MAP1B: variants seen among roughly 807,000 people sequenced by gnomAD.
MAP1B encodes the protein microtubule associated protein 1B, also known as microtubule-associated protein 1B.
MAP1B carries 12 observed loss-of-function variants against 176.1 expected under a neutral mutation model. The observed-to-expected ratio is 0.07, with a 90% confidence interval of 0.04 to 0.11. The LOEUF (loss-of-function observed/expected upper bound fraction) is 0.11. MAP1B is among the 10% of genes least tolerant of loss of function. MAP1B has a pLI of 1.00. For missense variants in MAP1B, 2,523 were observed against 2,990.5 expected, an observed-to-expected ratio of 0.84 and a Z score of 3.65; for synonymous variants, 1,044 against 1,135.0, an observed-to-expected ratio of 0.92 and a Z score of 1.61.
At chr5:72,146,945 A>G (rs1265019464) in intron 2 of MAP1B, among the ~76,000 whole-genome samples, 1 of 148,744 alleles carries the variant, frequency 6.7e-6, no homozygotes, top group East Asian at 2.0e-4. Context: ...GGAAAAATAC[A>G]TTTTATCCAA....
intron 4 of MAP1B, among the ~76,000 whole-genome samples, chr5:72,187,695 T>C (rs1580014470): frequency 1.3e-5 from 2 of 152,278 alleles, no homozygotes; most frequent in East Asian, 3.9e-4. Context: ...GCACTTAATT[T>C]TCCTTGGCCC....
At chr5:72,165,742 T>C (rs1746415187) in intron 2 of MAP1B, among the ~76,000 whole-genome samples, 1 of 152,202 alleles carries the variant, frequency 6.6e-6, no homozygotes, top group South Asian at 2.1e-4. Context: ...ATTCATTACA[T>C]ATAAAATATG....
chr5:72,165,151 T>C (rs16876030), intron 2 of MAP1B, among the ~76,000 whole-genome samples: 2,218 of 152,340 alleles, frequency 0.015, 40 homozygotes, highest in East Asian at 0.043. Context: ...CCTTAATCTT[T>C]CTTGGTCCCC....
chr5:72,155,223 GCTCCCCC>G (rs1746207480), intron 2 of MAP1B, among the ~76,000 whole-genome samples: 3 of 152,142 alleles, frequency 2.0e-5, no homozygotes, highest in Admixed American at 6.6e-5. Flanking sequence ...GGTACATTTT[GCTCCCCC>G]CAGAGTACTG....
chr5:72,119,657 A>C (rs907692964), intron 2 of MAP1B, among the ~76,000 whole-genome samples: 4 of 152,106 alleles, frequency 2.6e-5, no homozygotes, highest in African/African-American at 9.7e-5. Context: ...ATAGGTGTGC[A>C]CCATCACACC....
intron 2 of MAP1B, among the ~76,000 whole-genome samples, chr5:72,130,108 AT>A (rs1745701955): frequency 6.6e-6 from 1 of 151,762 alleles, no homozygotes; most frequent in Non-Finnish European, 1.5e-5. Flanking sequence ...CTAGTTACAA[AT>A]AAAATAAAAT....
intron 2 of MAP1B, among the ~76,000 whole-genome samples, chr5:72,158,266 C>T (rs375515301): frequency 3.9e-5 from 6 of 151,932 alleles, no homozygotes; most frequent in Admixed American, 2.6e-4. Flanking sequence ...CCTCAGCCTC[C>T]CAAAGTGCTG....
intron 2 of MAP1B, among the ~76,000 whole-genome samples, chr5:72,127,689 A>G (rs558712407): frequency 6.6e-6 from 1 of 152,244 alleles, no homozygotes. Flanking sequence ...TAACAGAAAG[A>G]AATAATTTAT....
intron 2 of MAP1B, among the ~76,000 whole-genome samples, chr5:72,126,658 T>G (rs753493436): frequency 6.6e-6 from 1 of 152,222 alleles, no homozygotes; most frequent in Non-Finnish European, 1.5e-5. Flanking sequence ...CGTATGTAGA[T>G]GGGAGCTTGT....
At chr5:72,116,707 A>C (rs547526245) in intron 2 of MAP1B, among the ~76,000 whole-genome samples, 1 of 152,246 alleles carries the variant, frequency 6.6e-6, no homozygotes, top group South Asian at 2.1e-4. Flanking sequence ...CATCAGAAAC[A>C]CTGTATTACA....
rs1203867632 is a variant in MAP1B, at chr5:72,186,887, G to A, written c.510+133G>A. On this transcript the variant is annotated intron_variant, in intron 4 of 6. Transcript: ENST00000296755. The surrounding 1 kb of genome is among the most constrained non-coding windows in gnomAD (Gnocchi z 4.3). ...TCTCCTGAAATAAGCAAAACTGCAT[G>A]ATCCAAAATACTTTATTTCTATGGC... 12 of 974,592 alleles carry A rather than the reference G, an allele frequency of 1.2e-5. No individual in the cohort carries two copies. In the Admixed American group the frequency reaches 2.8e-4, roughly 22 times the overall value. The allele number at this position is 974,592 out of a possible 1,614,324, so 60.4% of individuals were successfully genotyped here.
rs1465362871 is a variant in MAP1B at position 72,183,787 on chromosome 5, G to C, written c.331G>C (p.Val111Leu). 6.2e-7 allele frequency: 1 copy of C among 1,614,030 alleles called. No individual in the cohort carries two copies. Among genetic ancestry groups the C allele is most frequent in the African/African-American group, 1.3e-5 (1 of 74,938 alleles). The change falls in exon 3 of 7, where the codon GTC becomes CTC. Residue 111 changes from valine (V) to leucine (L), a missense_variant. Val to Leu is a conservative substitution (Grantham distance 32, BLOSUM62 1). This residue lies in a region of MAP1B where 307 missense variants were observed against 438.4 expected (regional missense o/e 0.70). Transcript: ENST00000296755. ...HHRSDVLETV[V>L]LINPSDEAVS... is the part of the protein sequence containing the mutation. ...CCGAAGTGACGTTTTAGAAACAGTG[G>C]TCCTGATCAACCCTTCTGATGAAGC...
rs775473724 is a variant in MAP1B at position 72,198,408 on chromosome 5, A to G, written c.5053A>G (p.Thr1685Ala). Residue 1685 changes from threonine to alanine, a missense_variant, in exon 5 of 7, where the codon ACT becomes GCT. Coordinates refer to ENST00000296755, the MANE Select transcript of MAP1B (RefSeq NM_005909.5). Reference protein sequence around the residue: ...GVLHITENGPTEVDYSPSDMQ... With the variant: ...GVLHITENGPAEVDYSPSDMQ... The stretch of plus-strand genomic sequence containing the variant: ...GCTTCACATCACTGAAAATGGGCCA[A>G]CTGAAGTGGACTACAGTCCTTCTGA... 1 of 1,614,074 alleles carries G rather than the reference A, an allele frequency of 6.2e-7. No homozygotes were observed.
At position 72,197,635 on chromosome 5, in the gene MAP1B, G is replaced by C; in HGVS notation, c.4280G>C (p.Ser1427Thr). ...DDKASGRGAE[S>T]PFEEKSGKQG... ...AAGGCTTCTGGCAGAGGTGCCGAAA[G>C]TCCTTTTGAAGAAAAGAGTGGAAAA... is the stretch of plus-strand genomic sequence containing the variant. The change falls in exon 5 of 7, where the codon AGT (serine) becomes ACT (threonine). Residue 1427 changes from serine (S) to threonine (T), a missense_variant. Around this residue, in one of 4 missense-constraint regions of MAP1B, gnomAD observed 1,925 missense variants for 2,126.0 expected, o/e 0.91. Coordinates refer to ENST00000296755, the MANE Select transcript of MAP1B (RefSeq NM_005909.5). 2 of 1,614,212 alleles carry C rather than the reference G, an allele frequency of 1.2e-6. No individual in the cohort carries two copies. The highest frequency in any genetic ancestry group is 1.7e-6 in the Non-Finnish European group (2 of 1,180,044).
intron 2 of MAP1B, among the ~76,000 whole-genome samples, chr5:72,139,058 C>T (rs1364314470): frequency 2.0e-5 from 3 of 152,048 alleles, no homozygotes; most frequent in African/African-American, 7.2e-5. Context: ...TAGTAAGTTA[C>T]GTGTCTGGGG....
At chr5:72,164,865 G>A (rs957162993) in intron 2 of MAP1B, among the ~76,000 whole-genome samples, 1 of 152,086 alleles carries the variant, frequency 6.6e-6, no homozygotes, top group Non-Finnish European at 1.5e-5. Context: ...ATTTGTTAGG[G>A]GGTTTTATCT....
In MAP1B at chr5:72,197,857, C is replaced by T; in HGVS notation, c.4502C>T (p.Ser1501Phe). ...ALDERKLGDV[S>F]PTQIDVSQFG... Reference sequence around the variant, plus strand: ...GATGAAAGGAAATTAGGAGATGTTTCTCCCACACAAATAGATGTCAGTCAG... The same window carrying T: ...GATGAAAGGAAATTAGGAGATGTTTTTCCCACACAAATAGATGTCAGTCAG... The change falls in exon 5 of 7, where the codon TCT (serine) becomes TTT (phenylalanine). Residue 1501 changes from serine to phenylalanine, a missense_variant. Coordinates refer to ENST00000296755, the MANE Select transcript of MAP1B (RefSeq NM_005909.5). 1.2e-6 allele frequency: 2 copies of T among 1,614,222 alleles called. No homozygotes were observed. Among genetic ancestry groups the T allele is most frequent in the Non-Finnish European group, 1.7e-6 (2 of 1,180,042 alleles).
chr5:72,128,533 G>A (rs1745669641), intron 2 of MAP1B, among the ~76,000 whole-genome samples: 1 of 152,150 alleles, frequency 6.6e-6, no homozygotes, highest in South Asian at 2.1e-4. Flanking sequence ...CTAGCTCACT[G>A]CATTTGCACT....
intron 2 of MAP1B, among the ~76,000 whole-genome samples, chr5:72,118,528 G>C (rs1478432476): frequency 6.6e-6 from 1 of 152,178 alleles, no homozygotes; most frequent in Non-Finnish European, 1.5e-5. Context: ...TGTGAGAGGA[G>C]AAGGCATTTA....
Sources: gnomAD v4.1 joint callset for allele counts (sites outside exome capture counted in the v4.1 genomes callset) on GRCh38, gnomAD v4.1.1 for gene constraint, gnomAD v4.1.1 regional missense constraint, Gnocchi (gnomAD v3.1) non-coding constraint, MANE v1.5 for transcripts, NCBI Gene and HGNC (gene_info 2026-07-23, HGNC 2026-07-21) for gene names.